The following RP1 variants were observed in gnomAD, a reference collection of about 807,000 sequenced individuals.
The protein encoded by RP1 is RP1 axonemal microtubule associated.
RP1 carries 16 observed loss-of-function variants against 14.8 expected under a neutral mutation model. That is an observed-to-expected ratio of 1.08 (90% CI 0.73 to 1.65). The LOEUF (loss-of-function observed/expected upper bound fraction) is 1.65. Among genes scored for constraint, RP1 ranks in the 40% most tolerant of loss-of-function variants. The pLI is 0.00. For synonymous variants in RP1, 876 were observed against 883.6 expected (o/e 0.99, Z 0.15); for missense variants, 2,631 against 2,535.0 (o/e 1.04, Z -0.81).
intron 6 of RP1, among the ~76,000 whole-genome samples, chr8:54,658,156 T>A (rs1280146567): frequency 6.6e-6 from 1 of 152,208 alleles, no homozygotes; most frequent in Non-Finnish European, 1.5e-5. Flanking sequence ...TTTAGATACA[T>A]CATATGAGTG....
chr8:54,610,231 C>T (rs1017780274), intron 1 of RP1, among the ~76,000 whole-genome samples: 1 of 152,168 alleles, frequency 6.6e-6, no homozygotes, highest in Admixed American at 6.5e-5. Flanking sequence ...TTTTGAAACA[C>T]TTCTTTCCTT....
chr8:54,760,369 C>T (rs886135138), intron 22 of RP1, among the ~76,000 whole-genome samples: 26 of 152,298 alleles, frequency 1.7e-4, no homozygotes, highest in African/African-American at 6.3e-4. Context: ...CAAGCTAGCC[C>T]TTCTATGGTA....
chr8:54,679,077 G>A (rs974390744), intron 9 of RP1, among the ~76,000 whole-genome samples: 16 of 152,158 alleles, frequency 1.1e-4, no homozygotes, highest in African/African-American at 3.6e-4. Context: ...ACTGATTAGG[G>A]TTTGAACTAT....
At chr8:54,718,034 CTA>C (rs1266397590) in intron 15 of RP1, among the ~76,000 whole-genome samples, 13 of 152,044 alleles carry the variant, frequency 8.6e-5, no homozygotes, top group South Asian at 2.1e-4. Flanking sequence ...TTCTGGATCT[CTA>C]TGTGGAAAAC....
At chr8:54,803,373 A>G (rs778439066) in intron 24 of RP1, among the ~76,000 whole-genome samples, 1 of 152,130 alleles carries the variant, frequency 6.6e-6, no homozygotes, top group Non-Finnish European at 1.5e-5. Flanking sequence ...GATGAACACT[A>G]CCTTGTAACA....
chr8:54,839,185 C>G (rs1000692111), intron 25 of RP1, among the ~76,000 whole-genome samples: 1 of 152,170 alleles, frequency 6.6e-6, no homozygotes, highest in South Asian at 2.1e-4. Context: ...GGTTTAAATG[C>G]TTGATTCTTT....
At chr8:54,846,719 C>T (rs139399183) in intron 25 of RP1, among the ~76,000 whole-genome samples, 1 of 152,124 alleles carries the variant, frequency 6.6e-6, no homozygotes, top group Admixed American at 6.5e-5. Context: ...TTCTGCCCCT[C>T]TTAATACTCC....
At chr8:54,808,427 C>A (rs1810910570) in intron 24 of RP1, among the ~76,000 whole-genome samples, 1 of 152,194 alleles carries the variant, frequency 6.6e-6, no homozygotes, top group South Asian at 2.1e-4. Context: ...CTGACATTCT[C>A]CACAGATTTG....
At chr8:54,612,843 T>A (rs918648491), upstream of RP1, among the ~76,000 whole-genome samples, 3 of 152,208 alleles carry the variant, frequency 2.0e-5, no homozygotes, top group African/African-American at 7.2e-5. Context: ...TTCTGTCAAA[T>A]ATCTGAACAC....
intron 6 of RP1, among the ~76,000 whole-genome samples, chr8:54,659,519 T>C (rs1304702979): frequency 1.3e-5 from 2 of 152,196 alleles, no homozygotes; most frequent in Non-Finnish European, 2.9e-5. Context: ...TTGGCACCCT[T>C]GTCAAAATCA....
At chr8:54,748,253 A>G (rs1809276234) in intron 19 of RP1, among the ~76,000 whole-genome samples, 1 of 152,198 alleles carries the variant, frequency 6.6e-6, no homozygotes, top group Admixed American at 6.5e-5. Flanking sequence ...TCAGGGTTCT[A>G]GAAAGAACCA....
chr8:54,803,913 C>T (rs1289189417), intron 24 of RP1, among the ~76,000 whole-genome samples: 1 of 151,716 alleles, frequency 6.6e-6, no homozygotes, highest in East Asian at 1.9e-4. Context: ...ACTAAAAATA[C>T]AAAAATTAGC....
chr8:54,638,703 G>T (rs1806399571), intron 3 of RP1, among the ~76,000 whole-genome samples: 1 of 151,974 alleles, frequency 6.6e-6, no homozygotes, highest in South Asian at 2.1e-4. Flanking sequence ...GGGTTGGTTT[G>T]TTTGTTTTTG....
At chr8:54,709,255 G>C (rs1808237780) in intron 15 of RP1, among the ~76,000 whole-genome samples, 1 of 152,222 alleles carries the variant, frequency 6.6e-6, no homozygotes, top group African/African-American at 2.4e-5. Context: ...CTTGTTGACA[G>C]CATGTCAGGT....
exon 7 of RP1, chr8:54,663,702 C>T (rs1243348539): frequency 6.6e-7 from 1 of 1,514,948 alleles, no homozygotes. Flanking sequence ...TTGTCAGTGA[C>T]AATATATGAA....
At chr8:54,695,371 G>A (rs1438500507) in intron 12 of RP1, among the ~76,000 whole-genome samples, 1 of 151,780 alleles carries the variant, frequency 6.6e-6, no homozygotes, top group Non-Finnish European at 1.5e-5. Context: ...AAGATAAATA[G>A]CCATCTCTTC....
At chr8:54,750,855 C>T (rs1232893434) in intron 19 of RP1, among the ~76,000 whole-genome samples, 1 of 152,152 alleles carries the variant, frequency 6.6e-6, no homozygotes, top group African/African-American at 2.4e-5. Flanking sequence ...CTCTGAAAGC[C>T]AATTGCAGGG....
At chr8:54,578,697 A>G (rs1585522008) in intron 1 of RP1, among the ~76,000 whole-genome samples, 1 of 152,220 alleles carries the variant, frequency 6.6e-6, no homozygotes, top group Non-Finnish European at 1.5e-5. Flanking sequence ...TCATGTGTAC[A>G]TAAAATAAGC....
chr8:54,641,008 G>A lies in RP1; in HGVS notation c.788-7977G>A, dbSNP rs113676916. 7.8e-3 allele frequency among the ~76,000 whole-genome samples: 1,131 copies of A among 145,178 alleles called. 19 individuals are homozygous for A. The highest frequency in any genetic ancestry group is 0.027 in the African/African-American group (1,073 of 39,316). ...AGAGTCTTGCCGTGTTGCCCAGGCT[G>A]GAGTGTAGTCACTGCTAGCTCCTCC... On this transcript the variant is annotated intron_variant, in intron 3 of 22. Coordinates refer to the RP1 transcript ENST00000636932.
Sources: gnomAD v4.1 joint callset for allele counts (sites outside exome capture counted in the v4.1 genomes callset) on GRCh38, gnomAD v4.1.1 for gene constraint, MANE v1.5 for transcripts, NCBI Gene and HGNC (gene_info 2026-07-23, HGNC 2026-07-21) for gene names.